Variants in RNLS observed in about 807,000 individuals in gnomAD.
RNLS encodes the protein renalase.
A neutral mutation model predicts 39.8 loss-of-function variants in RNLS; 39 were observed. The ratio of observed to expected loss-of-function variants is 0.98; its 90% CI spans 0.76 to 1.28. RNLS has a LOEUF of 1.28. Ranked by LOEUF, RNLS falls within the 50% of genes most tolerant of loss-of-function variation. RNLS has a pLI of 0.00. For missense variants in RNLS, 410 were observed against 413.3 expected, an observed-to-expected ratio of 0.99 and a Z score of 0.07; for synonymous variants, 147 against 150.7, an observed-to-expected ratio of 0.98 and a Z score of 0.18.
At chr10:88,375,929 G>A (rs1850956844) in intron 4 of RNLS, among the ~76,000 whole-genome samples, 1 of 152,234 alleles carries the variant, frequency 6.6e-6, no homozygotes, top group South Asian at 2.1e-4. Context: ...CCAGGGGATG[G>A]TGGCAACACA....
At chr10:88,550,594 C>T (rs894505596) in intron 4 of RNLS, among the ~76,000 whole-genome samples, 4 of 152,094 alleles carry the variant, frequency 2.6e-5, no homozygotes, top group African/African-American at 9.7e-5. Flanking sequence ...GAATATAAGC[C>T]TTTTTGTTTC....
At chr10:88,357,802 A>T (rs1849303751) in intron 5 of RNLS, among the ~76,000 whole-genome samples, 1 of 152,096 alleles carries the variant, frequency 6.6e-6, no homozygotes, top group Admixed American at 6.5e-5. Flanking sequence ...TCCTCTTTCC[A>T]TCCACAGATT....
chr10:88,178,900 GC>G, the RNLS span, among the ~76,000 whole-genome samples: 2 of 152,114 alleles, frequency 1.3e-5, no homozygotes, highest in African/African-American at 4.8e-5. Flanking sequence ...TTTAGACAAA[GC>G]CACTACTCTT....
At chr10:88,418,466 G>T (rs1195643071) in intron 4 of RNLS, among the ~76,000 whole-genome samples, 2 of 152,144 alleles carry the variant, frequency 1.3e-5, no homozygotes, top group Non-Finnish European at 2.9e-5. Context: ...CCATCACATT[G>T]TGCTATACCT....
chr10:88,317,610 C>T (rs2133071644), intron 5 of RNLS, among the ~76,000 whole-genome samples: 1 of 152,154 alleles, frequency 6.6e-6, no homozygotes, highest in East Asian at 1.9e-4. Context: ...ACCTATTTTA[C>T]ATATACAGTT....
intron 4 of RNLS, among the ~76,000 whole-genome samples, chr10:88,490,715 A>G (rs898365022): frequency 6.6e-6 from 1 of 152,186 alleles, no homozygotes; most frequent in Non-Finnish European, 1.5e-5. Flanking sequence ...GGGATTTTCA[A>G]AATTTAAACC....
At chr10:88,393,735 G>T (rs1358839184) in intron 4 of RNLS, among the ~76,000 whole-genome samples, 1 of 152,136 alleles carries the variant, frequency 6.6e-6, no homozygotes, top group African/African-American at 2.4e-5. Context: ...GCATTGCCAA[G>T]TCAATCTTAA....
intron 5 of RNLS, among the ~76,000 whole-genome samples, chr10:88,342,929 C>A (rs565398633): frequency 6.6e-6 from 1 of 152,148 alleles, no homozygotes; most frequent in Non-Finnish European, 1.5e-5. Context: ...AACACAGCCA[C>A]GCCCATTCTT....
chr10:88,207,114 G>A, the RNLS span, among the ~76,000 whole-genome samples: 14 of 152,080 alleles, frequency 9.2e-5, no homozygotes, highest in African/African-American at 3.4e-4. Flanking sequence ...TATGACCTTG[G>A]ATTAGACAAA....
At position 88,492,711 on chromosome 10, in the gene RNLS, G is replaced by A. The variant is rs932783956; in HGVS notation, c.526+80192C>T. Among the ~76,000 whole-genome samples the A allele has an allele frequency of 4.6e-5, 7 of 151,950 alleles. No individual in the cohort carries two copies. In the South Asian group the frequency reaches 1.0e-3, roughly 23 times the overall value. On this transcript the variant is annotated intron_variant, in intron 4 of 6. Coordinates refer to ENST00000331772, the MANE Select transcript of RNLS (RefSeq NM_001031709.3). ...TAGGATTACAGGTGTGAGCCACTGC[G>A]CCTGGCCCTTTTAAACTTTTTAACA...
chr10:88,290,347 G>T (rs1407321593), intron 6 of RNLS, among the ~76,000 whole-genome samples: 2 of 152,132 alleles, frequency 1.3e-5, no homozygotes, highest in Non-Finnish European at 2.9e-5. Flanking sequence ...GGCAACAGGT[G>T]ACATTCAAGT....
chr10:88,529,641 T>C (rs1847303309), intron 4 of RNLS, among the ~76,000 whole-genome samples: 2 of 152,188 alleles, frequency 1.3e-5, no homozygotes, highest in Non-Finnish European at 2.9e-5. Context: ...GGATTAAATG[T>C]CTAATTTCTG....
chr10:88,575,094 T>C (rs1158503855), intron 3 of RNLS, among the ~76,000 whole-genome samples: 3 of 145,340 alleles, frequency 2.1e-5, no homozygotes, highest in Non-Finnish European at 4.5e-5. Flanking sequence ...CTTGAAAATG[T>C]ATCCCAATGG....
intron 4 of RNLS, among the ~76,000 whole-genome samples, chr10:88,435,381 CAAG>C (rs879681018): frequency 6.6e-5 from 10 of 151,084 alleles, no homozygotes; most frequent in Non-Finnish European, 1.2e-4. Context: ...CCACCCCCAC[CAAG>C]AAGATTTCCA....
chr10:88,566,599 C>T (rs1030243749), intron 4 of RNLS, among the ~76,000 whole-genome samples: 1 of 152,158 alleles, frequency 6.6e-6, no homozygotes. Context: ...AATACAGGAC[C>T]TCTTTGAAAC....
intron 5 of RNLS, among the ~76,000 whole-genome samples, chr10:88,355,481 C>T (rs891146748): frequency 6.6e-6 from 1 of 152,304 alleles, no homozygotes; most frequent in African/African-American, 2.4e-5. Context: ...GAGATCCACT[C>T]CAGACCGTTT....
chr10:88,568,047 C>A (rs1849613872), intron 4 of RNLS, among the ~76,000 whole-genome samples: 2 of 152,208 alleles, frequency 1.3e-5, no homozygotes, highest in Non-Finnish European at 1.5e-5. Context: ...AGATGAGGTA[C>A]CCTCTACAAT....
At chr10:88,256,475 G>A in the RNLS span, among the ~76,000 whole-genome samples, 1 of 152,178 alleles carries the variant, frequency 6.6e-6, no homozygotes, top group Non-Finnish European at 1.5e-5. Flanking sequence ...AGTTAAGGTC[G>A]GCGGGAACTC....
At chr10:88,434,606 C>T (rs1358316872) in intron 4 of RNLS, among the ~76,000 whole-genome samples, 2 of 152,094 alleles carry the variant, frequency 1.3e-5, no homozygotes, top group African/African-American at 4.8e-5. Context: ...TGGTATTATA[C>T]CTTACAGGTA....
Sources: gnomAD v4.1 joint callset for allele counts (sites outside exome capture counted in the v4.1 genomes callset) on GRCh38, gnomAD v4.1.1 for gene constraint, MANE v1.5 for transcripts, NCBI Gene and HGNC (gene_info 2026-07-23, HGNC 2026-07-21) for gene names.